The following CLVS1 variants were observed in gnomAD, a reference collection of about 807,000 sequenced individuals.
CLVS1 encodes the protein clavesin 1.
A neutral mutation model predicts 33.1 loss-of-function variants in CLVS1; 10 were observed. The ratio of observed to expected loss-of-function variants is 0.30; its 90% CI spans 0.19 to 0.51. The LOEUF is 0.51. Among genes scored for constraint, CLVS1 ranks in the 20% least tolerant of loss-of-function variants. The pLI is 0.97. For synonymous variants in CLVS1, 163 were observed against 166.1 expected, an observed-to-expected ratio of 0.98 and a Z score of 0.14; for missense variants, 343 against 433.4, an observed-to-expected ratio of 0.79 and a Z score of 1.85.
intron 2 of CLVS1, among the ~76,000 whole-genome samples, chr8:61,330,310 G>T (rs551925082): frequency 6.6e-6 from 1 of 152,302 alleles, no homozygotes; most frequent in African/African-American, 2.4e-5. Context: ...CCAGGAAATA[G>T]TTGGAAGGGG....
rs533200509 is a variant in CLVS1, at chr8:61,196,357, A to G, written c.-152+64497A>G. 2.8e-4 allele frequency among the ~76,000 whole-genome samples: 42 copies of G among 152,326 alleles called. 1 individual carries two copies. The highest frequency in any genetic ancestry group is 1.0e-3 in the African/African-American group (42 of 41,560). On this transcript the variant is annotated intron_variant, in intron 2 of 2. Transcript: ENST00000522621. ...AAGAGATGTTTGAAAGCTTCTTGGT[A>G]CTGTACCTAACTTACAATAAAATGC... is the stretch of plus-strand genomic sequence containing the variant.
At position 61,344,327 on chromosome 8, in the gene CLVS1, A is replaced by G. The variant is rs57114764; in HGVS notation, c.456-32278A>G. On this transcript the variant is annotated intron_variant, in intron 2 of 5. Transcript: ENST00000325897. ...CTCCCAAAGTGCTGAGATTACAGCC[A>G]TGAGCCACCGCACTCGGCCTAGAGC... 6.4e-3 allele frequency among the ~76,000 whole-genome samples: 974 copies of G among 152,314 alleles called. 13 individuals carry two copies. The highest frequency in any genetic ancestry group is 0.022 in the African/African-American group (923 of 41,582).
rs1192438077 is a variant in CLVS1 at position 61,433,060 on chromosome 8, C to T, written c.631-21081C>T. 2.6e-5 allele frequency among the ~76,000 whole-genome samples: 4 copies of T among 152,162 alleles called. No individual in the cohort carries two copies. The East Asian group carries it at 7.7e-4, about 29-fold the overall frequency. ...CCTCAACCTCCCAGGTTCAGGTGAT[C>T]CTCTCACTTCAGCCTCTTGAGTAAC... On this transcript the variant is annotated intron_variant, in intron 3 of 5. Coordinates refer to ENST00000325897, the MANE Select transcript of CLVS1 (RefSeq NM_173519.3).
At chr8:61,254,659 T>A (rs924376369) in intron 2 of CLVS1, among the ~76,000 whole-genome samples, 2 of 152,140 alleles carry the variant, frequency 1.3e-5, no homozygotes, top group Admixed American at 1.3e-4. Flanking sequence ...CCTTGCAGTT[T>A]GATCTCAGAC....
intron 2 of CLVS1, among the ~76,000 whole-genome samples, chr8:61,207,826 C>A (rs938744975): frequency 6.6e-6 from 1 of 152,170 alleles, no homozygotes; most frequent in African/African-American, 2.4e-5. Context: ...TCAGCTCTAA[C>A]TTTGTTCACA....
intron 2 of CLVS1, among the ~76,000 whole-genome samples, chr8:61,309,569 A>C (rs1407096637): frequency 6.6e-6 from 1 of 152,190 alleles, no homozygotes; most frequent in African/African-American, 2.4e-5. Flanking sequence ...AAACACCCCA[A>C]ATCTGTTTGT....
At chr8:61,122,298 C>T (rs533644028) in intron 1 of CLVS1, among the ~76,000 whole-genome samples, 16 of 152,110 alleles carry the variant, frequency 1.1e-4, no homozygotes, top group African/African-American at 2.2e-4. Context: ...ATGCAGGACC[C>T]GGTAGTAACT....
At chr8:61,118,456 G>A in intron 1 of CLVS1, among the ~76,000 whole-genome samples, 1 of 146,186 alleles carries the variant, frequency 6.8e-6, no homozygotes, top group Non-Finnish European at 1.5e-5. Flanking sequence ...TCTTTTAATT[G>A]TGATGTTAGG....
chr8:61,106,805 C>A (rs974451857), intron 1 of CLVS1, among the ~76,000 whole-genome samples: 2 of 152,114 alleles, frequency 1.3e-5, no homozygotes, highest in African/African-American at 4.8e-5. Flanking sequence ...CCAACTTTGC[C>A]TGGAGGCTCT....
chr8:61,062,888 T>C (rs925455600), intron 1 of CLVS1, among the ~76,000 whole-genome samples: 4 of 152,244 alleles, frequency 2.6e-5, no homozygotes, highest in Non-Finnish European at 5.9e-5. Context: ...TACTATGAAA[T>C]TACCCAATAC....
the CLVS1 span, among the ~76,000 whole-genome samples, chr8:60,971,631 AG>A: frequency 2.0e-5 from 3 of 152,062 alleles, no homozygotes; most frequent in Non-Finnish European, 4.4e-5. Context: ...GCCTGCCTAT[AG>A]CTGGGGTCCT....
chr8:61,334,166 G>C (rs1005251392), intron 2 of CLVS1, among the ~76,000 whole-genome samples: 3 of 152,162 alleles, frequency 2.0e-5, no homozygotes, highest in Admixed American at 6.6e-5. Flanking sequence ...AGAAGAACCG[G>C]GTGTGAGAAG....
At chr8:61,280,790 T>A (rs951090281) in intron 2 of CLVS1, among the ~76,000 whole-genome samples, 2 of 151,786 alleles carry the variant, frequency 1.3e-5, no homozygotes, top group East Asian at 1.9e-4. Context: ...TCATTAATTA[T>A]TTTTTTTGTG....
In CLVS1 at chr8:61,461,210, A is replaced by G. The variant is rs73259324; in HGVS notation, c.977+2668A>G. ...TCCACAACTGAGGGCTTCACCATCA[A>G]CATTGTCTTGTCCCTTCCTAAAATG... On this transcript the variant is annotated intron_variant, in intron 5 of 5. Transcript: ENST00000325897. Among the ~76,000 whole-genome samples, 672 of 152,330 alleles carry G rather than the reference A, an allele frequency of 4.4e-3. 3 individuals are homozygous for G. The highest frequency in any genetic ancestry group is 0.015 in the African/African-American group (642 of 41,570).
At chr8:61,335,575 G>T (rs963332479) in intron 2 of CLVS1, among the ~76,000 whole-genome samples, 1 of 152,228 alleles carries the variant, frequency 6.6e-6, no homozygotes, top group Non-Finnish European at 1.5e-5. Flanking sequence ...CTTTTCTGAT[G>T]AGAGATTTTC....
intron 2 of CLVS1, among the ~76,000 whole-genome samples, chr8:61,134,914 C>G (rs1173746179): frequency 6.6e-6 from 1 of 151,992 alleles, no homozygotes; most frequent in Non-Finnish European, 1.5e-5. Context: ...TTTTATCCTG[C>G]TGACCACAGA....
chr8:61,406,724 C>T (rs1464626127), intron 3 of CLVS1, among the ~76,000 whole-genome samples: 3 of 152,062 alleles, frequency 2.0e-5, no homozygotes, highest in Admixed American at 6.6e-5. Context: ...TCTCCTGCCT[C>T]AGCCTCCCGA....
rs981715602 is a variant in CLVS1 at position 61,065,123 on chromosome 8, A to T, written c.-243+7893A>T. 4.1e-4 allele frequency among the ~76,000 whole-genome samples: 63 copies of T among 152,214 alleles called. 1 individual carries two copies. The highest frequency in any genetic ancestry group is 7.3e-5 in the Non-Finnish European group (5 of 68,042). ...AATTGGTTCCAGGACACCCGCAAGG[A>T]TACTAAAATCCACAGATGCTCAAGT... On this transcript the variant is annotated intron_variant, in intron 1 of 2. Coordinates refer to the CLVS1 transcript ENST00000522621.
At chr8:61,137,218 A>G (rs979091336) in intron 2 of CLVS1, among the ~76,000 whole-genome samples, 3 of 152,196 alleles carry the variant, frequency 2.0e-5, no homozygotes, top group Admixed American at 6.5e-5. Context: ...AAATGACCTT[A>G]GGAAAGTCTG....
Sources: gnomAD v4.1 joint callset for allele counts (sites outside exome capture counted in the v4.1 genomes callset) on GRCh38, gnomAD v4.1.1 for gene constraint, MANE v1.5 for transcripts, NCBI Gene and HGNC (gene_info 2026-07-23, HGNC 2026-07-21) for gene names.